Variants in KCNIP4 observed in about 807,000 individuals in gnomAD.
KCNIP4 encodes Kv channel-interacting protein 4.
KCNIP4 carries 12 observed loss-of-function variants against 34.0 expected under a neutral mutation model. The observed-to-expected ratio is 0.35, with a 90% CI of 0.23 to 0.57. The LOEUF is 0.57. Ranked by LOEUF, KCNIP4 falls within the 20% of genes least tolerant of loss-of-function variation. The pLI is 0.83. For missense variants in KCNIP4, 238 were observed against 311.7 expected (o/e 0.76, Z 1.78); for synonymous variants, 124 against 102.2 (o/e 1.21, Z -1.29).
At chr4:21,491,857 C>A (rs1250941166) in intron 1 of KCNIP4, among the ~76,000 whole-genome samples, 1 of 152,126 alleles carries the variant, frequency 6.6e-6, no homozygotes, top group Non-Finnish European at 1.5e-5. Flanking sequence ...AGCAATTTAA[C>A]AATGAAAAAC....
At chr4:21,150,799 C>T (rs6854413) in intron 1 of KCNIP4, among the ~76,000 whole-genome samples, 98,960 of 152,086 alleles carry the variant, frequency 0.65, 32,667 homozygotes, top group African/African-American at 0.75. Context: ...TCTTAATATG[C>T]ATCTAATGAA....
At chr4:20,876,436 T>C (rs1230366084) in intron 2 of KCNIP4, among the ~76,000 whole-genome samples, 1 of 152,190 alleles carries the variant, frequency 6.6e-6, no homozygotes, top group South Asian at 2.1e-4. Flanking sequence ...TAAAGTATAG[T>C]AGCTAGGAAT....
At chr4:21,372,398 A>ATAGATAGATAGT (rs1449635330) in intron 1 of KCNIP4, among the ~76,000 whole-genome samples, 5 of 144,020 alleles carry the variant, frequency 3.5e-5, no homozygotes, top group Admixed American at 2.7e-4. Context: ...AGATAGTTAG[A>ATAGATAGATAGT]TAGACAGACA....
intron 1 of KCNIP4, chr4:21,843,352 A>C (rs1245725610): frequency 6.6e-6 from 1 of 152,084 alleles, no homozygotes; most frequent in Non-Finnish European, 1.5e-5. Flanking sequence ...CAGATGAGGA[A>C]ACCAAGGATT....
intron 1 of KCNIP4, among the ~76,000 whole-genome samples, chr4:21,802,819 C>T (rs939787126): frequency 6.6e-6 from 1 of 152,120 alleles, no homozygotes; most frequent in African/African-American, 2.4e-5. Context: ...TTTCCTAAAC[C>T]ACATTCTCTC....
chr4:20,739,446 C>T (rs1436414679), intron 5 of KCNIP4, among the ~76,000 whole-genome samples: 2 of 152,176 alleles, frequency 1.3e-5, no homozygotes, highest in Admixed American at 1.3e-4. Flanking sequence ...GATAACCAGG[C>T]AAACAGGGTC....
intron 1 of KCNIP4, among the ~76,000 whole-genome samples, chr4:21,424,445 G>A (rs545040520): frequency 9.2e-5 from 14 of 151,952 alleles, no homozygotes; most frequent in Non-Finnish European, 1.3e-4. Flanking sequence ...GGTGGCATGC[G>A]CCTGTAATCC....
intron 1 of KCNIP4, among the ~76,000 whole-genome samples, chr4:21,661,489 A>C (rs13124130): frequency 0.77 from 117,216 of 152,154 alleles, 45,773 homozygotes; most frequent in East Asian, 0.99. Flanking sequence ...GTGTGCTCCC[A>C]CTCCCATAAG....
chr4:20,942,083 G>T (rs1321270890), intron 1 of KCNIP4, among the ~76,000 whole-genome samples: 1 of 152,176 alleles, frequency 6.6e-6, no homozygotes, highest in Non-Finnish European at 1.5e-5. Flanking sequence ...ATGTCCAGTA[G>T]TAACAAACAC....
chr4:21,154,736 G>A (rs1753020121), intron 1 of KCNIP4, among the ~76,000 whole-genome samples: 1 of 152,184 alleles, frequency 6.6e-6, no homozygotes, highest in Non-Finnish European at 1.5e-5. Flanking sequence ...GAAGTGATGT[G>A]TGGGACTTTA....
chr4:21,086,846 T>G (rs1343655006), intron 1 of KCNIP4, among the ~76,000 whole-genome samples: 1 of 151,924 alleles, frequency 6.6e-6, no homozygotes, highest in Non-Finnish European at 1.5e-5. Context: ...CATGTTCCTT[T>G]AAGTGGCAGA....
rs558545824 is a variant in KCNIP4, at chr4:21,701,591, C to T, written c.61+246980G>A. Among the ~76,000 whole-genome samples the T allele has an allele frequency of 1.5e-3, 223 of 152,142 alleles. 7 individuals carry two copies. The South Asian group carries it at 0.035, about 24-fold the overall frequency. ...AATACAAATTAATACTGTCTGTAGT[C>T]TTCTAGGGTTAAGAGAATCAAAAGA... On this transcript the variant is annotated intron_variant, in intron 1 of 8. Coordinates refer to ENST00000382152, the MANE Select transcript of KCNIP4 (RefSeq NM_025221.6).
intron 1 of KCNIP4, among the ~76,000 whole-genome samples, chr4:20,954,161 G>T (rs1365959975): frequency 6.6e-6 from 1 of 152,106 alleles, no homozygotes; most frequent in Admixed American, 6.6e-5. Context: ...AAAAATGATG[G>T]CAAGAAACCT....
chr4:21,764,354 T>C (rs1346645031), intron 1 of KCNIP4, among the ~76,000 whole-genome samples: 1 of 152,064 alleles, frequency 6.6e-6, no homozygotes, highest in Non-Finnish European at 1.5e-5. Flanking sequence ...AGTTTGCAAC[T>C]CAGAAGAGAA....
chr4:21,396,196 C>G (rs1271917469), intron 1 of KCNIP4, among the ~76,000 whole-genome samples: 1 of 151,670 alleles, frequency 6.6e-6, no homozygotes, highest in African/African-American at 2.4e-5. Context: ...GAAATACATA[C>G]AAAATATCAG....
Position 20,855,484 on chromosome 4 carries a change from CT to C in KCNIP4, c.164-4818del, listed in dbSNP as rs535216952. Among the ~76,000 whole-genome samples, 7 of 152,246 alleles carry C rather than the reference CT, an allele frequency of 4.6e-5. No homozygotes were observed. The South Asian group carries it at 1.5e-3, about 32-fold the overall frequency. On this transcript the variant is annotated intron_variant, in intron 2 of 8. Coordinates refer to ENST00000382152, the MANE Select transcript of KCNIP4 (RefSeq NM_025221.6). Reference sequence around the variant, plus strand: ...CCATGGGTCAGTTGGAAATGTAGTCCTTTTTGCCAAAGTCGAGCCATTTTTG... The same window carrying C: ...CCATGGGTCAGTTGGAAATGTAGTCCTTTTGCCAAAGTCGAGCCATTTTTG...
intron 4 of KCNIP4, among the ~76,000 whole-genome samples, chr4:20,752,104 G>T (rs1357843778): frequency 1.4e-5 from 2 of 144,092 alleles, no homozygotes; most frequent in East Asian, 2.0e-4. Flanking sequence ...TGTCCCCCAG[G>T]CTGGAGTGCA....
intron 1 of KCNIP4, among the ~76,000 whole-genome samples, chr4:21,441,137 CT>C (rs758901417): frequency 0.01 from 1,402 of 136,926 alleles, 4 homozygotes; most frequent in African/African-American, 0.028. Flanking sequence ...TGACACCTTT[CT>C]TTTTTTTTTT....
chr4:21,099,393 T>A (rs10938831), intron 1 of KCNIP4, among the ~76,000 whole-genome samples: 45,742 of 151,950 alleles, frequency 0.3, 7,607 homozygotes, highest in African/African-American at 0.45. Context: ...GTTCTCACTT[T>A]TATGTGGGAG....
Sources: gnomAD v4.1 joint callset for allele counts (sites outside exome capture counted in the v4.1 genomes callset) on GRCh38, gnomAD v4.1.1 for gene constraint, MANE v1.5 for transcripts, NCBI Gene and HGNC (gene_info 2026-07-23, HGNC 2026-07-21) for gene names.